GGN: variants seen among roughly 807,000 people sequenced by gnomAD.
GGN encodes gametogenetin.
Under a neutral mutation model 35.5 loss-of-function variants are expected in GGN, and 27 were observed. The ratio of observed to expected loss-of-function variants is 0.76; its 90% CI spans 0.56 to 1.05. The LOEUF is 1.05. GGN is among the 50% of genes least tolerant of loss of function. GGN has a pLI of 0.00. For missense variants in GGN, 1,006 were observed against 940.7 expected (o/e 1.07, Z -0.91); for synonymous variants, 425 against 444.1 (o/e 0.96, Z 0.54).
chr19:38,385,753 G>C lies in GGN; in HGVS notation c.1509C>G (p.Thr503=). Residue 503 remains threonine, a synonymous_variant, in exon 3 of 4, where the codon ACC becomes ACG. Transcript: ENST00000334928. The part of the protein sequence containing the change: ...APAPSPAPAP[T]VAEPSPPVSA... ...ACACAGGCGGCGAGGGCTCAGCCAC[G>C]GTGGGAGCTGGAGCCGGGGATGGGG... is the stretch of plus-strand genomic sequence containing the variant. The C allele has an allele frequency of 6.3e-7, 1 of 1,595,830 alleles. No homozygotes were observed. Among genetic ancestry groups the C allele is most frequent in the Non-Finnish European group, 8.5e-7 (1 of 1,173,334 alleles).
At position 38,386,017 on chromosome 19, in the gene GGN, C is replaced by T. The variant is rs765602716; in HGVS notation, c.1245G>A (p.Thr415=). The T allele has an allele frequency of 1.3e-5, 21 of 1,606,462 alleles. No individual in the cohort carries two copies. The highest frequency in any genetic ancestry group is 1.7e-5 in the Non-Finnish European group (20 of 1,176,680). ...RPAPALLAPP[T]FIFPAPTNGE... The stretch of plus-strand genomic sequence containing the variant: ...CATTGGTGGGTGCTGGGAAGATGAA[C>T]GTAGGCGGCGCCAGCAGGGCAGGTG... Residue 415 remains threonine (T), a synonymous_variant, in exon 3 of 4, where the codon ACG becomes ACA. Transcript: ENST00000334928.
intron 3 of GGN, among the ~76,000 whole-genome samples, 167 bp from the exon 4 acceptor site, chr19:38,384,696 T>G (rs890654876): frequency 2.0e-5 from 3 of 152,268 alleles, no homozygotes; most frequent in Non-Finnish European, 4.4e-5. Context: ...GAAAGGGAGC[T>G]GAGGGCTGGC....
rs765602716 is a variant in GGN, at chr19:38,386,017, C to G, written c.1245G>C (p.Thr415=). 1 of 1,606,462 alleles carries G rather than the reference C, an allele frequency of 6.2e-7. No individual in the cohort carries two copies. Among genetic ancestry groups the G allele is most frequent in the South Asian group, 1.1e-5 (1 of 90,114 alleles). ...RPAPALLAPP[T]FIFPAPTNGE... ...CATTGGTGGGTGCTGGGAAGATGAA[C>G]GTAGGCGGCGCCAGCAGGGCAGGTG... The change falls in exon 3 of 4, where the codon ACG becomes ACC. Residue 415 remains threonine (T), a synonymous_variant. Coordinates refer to ENST00000334928, the MANE Select transcript of GGN (RefSeq NM_152657.4).
Position 38,386,337 on chromosome 19 carries a change from C to G in GGN, c.925G>C (p.Ala309Pro). Residue 309 changes from alanine (A) to proline (P), a missense_variant, in exon 3 of 4, where the codon GCA (alanine) becomes CCA (proline). Coordinates refer to ENST00000334928, the MANE Select transcript of GGN (RefSeq NM_152657.4). ...CCATCACCTCCCTCGGCTTCCTGTG[C>G]CCCTCGAGAAACCTCTCCCAAGGGG... ...ARPLGEVSRG[A>P]QEAEGGDGDG... is the part of the protein sequence containing the mutation. 1.2e-6 allele frequency: 2 copies of G among 1,612,366 alleles called. No individual in the cohort carries two copies. Among genetic ancestry groups the G allele is most frequent in the Non-Finnish European group, 1.7e-6 (2 of 1,179,488 alleles).
In GGN at chr19:38,385,697, T is replaced by A. The variant is rs769946387; in HGVS notation, c.1565A>T (p.Lys522Met). Residue 522 changes from lysine to methionine, a missense_variant, in exon 3 of 4, where the codon AAG becomes ATG. By Grantham distance (95) the Lys-to-Met change is moderately conservative. Coordinates refer to ENST00000334928, the MANE Select transcript of GGN (RefSeq NM_152657.4). ...SAPAPAAAPI[K>M]TRTRRNKGSR... ...ACCCTTGTTCCTGCGCGTGCGGGTC[T>A]TGATGGGCGCAGCCGCGGGTGCGGG... 2.8e-5 allele frequency: 45 copies of A among 1,612,780 alleles called. No individual in the cohort carries two copies. The highest frequency in any genetic ancestry group is 1.6e-4 in the Middle Eastern group (1 of 6,084).
At position 38,387,480 on chromosome 19, in the gene GGN, G is replaced by T. The variant is rs1970754114; in HGVS notation, c.-19-200C>A. On this transcript the variant is annotated intron_variant, in intron 2 of 3. Coordinates refer to ENST00000334928, the MANE Select transcript of GGN (RefSeq NM_152657.4). The surrounding 1 kb of genome is among the most constrained non-coding windows in gnomAD (Gnocchi z 5.3). Reference sequence around the variant, plus strand: ...TGCCCATGTCCCCAACACAGCTGCTGTTAAGATACTTCACTACCAGCCCCA... The same window carrying T: ...TGCCCATGTCCCCAACACAGCTGCTTTTAAGATACTTCACTACCAGCCCCA... Among the ~76,000 whole-genome samples the T allele has an allele frequency of 6.6e-6, 1 of 152,106 alleles. No homozygotes were observed. Among genetic ancestry groups the T allele is most frequent in the Admixed American group, 6.5e-5 (1 of 15,282 alleles).
rs1439514290 is a variant in GGN at position 38,387,874 on chromosome 19, T to A, written c.-81-52A>T. ...GAACGGGGGTGCGGGTGAAGGCAAGTGGGCGAGACAACTAGGGCGGACCCC... is the reference window on the plus strand; with the variant it reads ...GAACGGGGGTGCGGGTGAAGGCAAGAGGGCGAGACAACTAGGGCGGACCCC... On this transcript the variant is annotated intron_variant, in intron 1 of 3. Transcript: ENST00000334928. The surrounding 1 kb of genome is among the most constrained non-coding windows in gnomAD (Gnocchi z 5.3). 1 of 154,394 alleles carries A rather than the reference T, an allele frequency of 6.5e-6. No homozygotes were observed. The highest frequency in any genetic ancestry group is 1.5e-5 in the Non-Finnish European group (1 of 68,304). 9.6% of individuals were successfully genotyped at this position (154,394 alleles called of 1,614,324 possible). A position where few individuals can be genotyped will look rare whatever the true frequency, so the allele number is the denominator to read the frequency against.
rs770092071 is a variant in GGN, at chr19:38,387,202, C to T, written c.60G>A (p.Ser20=). The T allele has an allele frequency of 3.1e-6, 5 of 1,594,678 alleles. No homozygotes were observed. Among genetic ancestry groups the T allele is most frequent in the Non-Finnish European group, 4.3e-6 (5 of 1,171,414 alleles). Residue 20 remains serine, a synonymous_variant, in exon 3 of 4, where the codon TCG becomes TCA. Transcript: ENST00000334928. The surrounding 1 kb of genome is among the most constrained non-coding windows in gnomAD (Gnocchi z 5.3). The part of the protein sequence containing the change: ...AGGGSRKVQP[S]DRAPDSRRTS... ...TCCGGCGGGAGTCGGGGGCGCGGTC[C>T]GAGGGCTGCACTTTTCGGGAGCCCC...
rs751385723 is a variant in GGN at position 38,385,466 on chromosome 19, T to C, written c.1796A>G (p.His599Arg). Residue 599 changes from histidine to arginine, a missense_variant, in exon 3 of 4, where the codon CAC (histidine) becomes CGC (arginine). Physicochemically the swap from His to Arg is conservative, Grantham distance 29 (BLOSUM62 0). Coordinates refer to ENST00000334928, the MANE Select transcript of GGN (RefSeq NM_152657.4). ...CAGGCGGCGATGGCGTGGCTGGTGGTGGCAGTAACACTTGCAGGGACAGGA... is the reference window on the plus strand; with the variant it reads ...CAGGCGGCGATGGCGTGGCTGGTGGCGGCAGTAACACTTGCAGGGACAGGA... The part of the protein sequence containing the change: ...LNSCPCKCYC[H>R]HQPRHRRLPR... 6.2e-7 allele frequency: 1 copy of C among 1,613,888 alleles called. No individual in the cohort carries two copies. The highest frequency in any genetic ancestry group is 8.5e-7 in the Non-Finnish European group (1 of 1,179,958).
rs1568390513 is a variant in GGN, at chr19:38,385,717, T to TGCGGGCGCGGAC, written c.1533_1544dup (p.Ser512_Ala515dup). 6.2e-7 allele frequency: 1 copy of TGCGGGCGCGGAC among 1,608,966 alleles called. No individual in the cohort carries two copies. The highest frequency in any genetic ancestry group is 8.5e-7 in the Non-Finnish European group (1 of 1,178,548). ...GGGTCTTGATGGGCGCAGCCGCGGG[T>TGCGGGCGCGGAC]GCGGGCGCGGACACAGGCGGCGAGG... On this transcript the variant is annotated inframe_insertion, in exon 3 of 4. Coordinates refer to ENST00000334928, the MANE Select transcript of GGN (RefSeq NM_152657.4).
Position 38,385,631 on chromosome 19 carries a change from T to G in GGN, c.1631A>C (p.His544Pro), listed in dbSNP as rs768513557. The G allele has an allele frequency of 1.2e-6, 2 of 1,613,974 alleles. No homozygotes were observed. The highest frequency in any genetic ancestry group is 1.7e-6 in the Non-Finnish European group (2 of 1,180,014). Residue 544 changes from histidine (H) to proline (P), a missense_variant, in exon 3 of 4, where the codon CAT becomes CCT. Physicochemically the swap from His to Pro is moderately conservative, Grantham distance 77. Coordinates refer to ENST00000334928, the MANE Select transcript of GGN (RefSeq NM_152657.4). ...ARGATRKDGL[H>P]GDGPRERATA... ...AGCTCGTTCGCGAGGACCATCTCCA[T>G]GCAAGCCATCCTTACGGGTCGCGCC...
Position 38,385,562 on chromosome 19 carries a change from C to G in GGN, c.1700G>C (p.Ser567Thr). ...PDSSGGGGGGSGASQTGAANT... is the reference protein window; with the variant it reads ...PDSSGGGGGGTGASQTGAANT... ...AGCTGCCCCAGTCTGAGAGGCCCCG[C>G]TGCCACCACCCCCTCCACCACTGCT... is the stretch of plus-strand genomic sequence containing the variant. Residue 567 changes from serine (S) to threonine (T), a missense_variant, in exon 3 of 4, where the codon AGC (serine) becomes ACC (threonine). Transcript: ENST00000334928. 1 of 1,614,054 alleles carries G rather than the reference C, an allele frequency of 6.2e-7. No homozygotes were observed. Among genetic ancestry groups the G allele is most frequent in the South Asian group, 1.1e-5 (1 of 91,084 alleles).
Position 38,386,944 on chromosome 19 carries a change from G to T in GGN, c.318C>A (p.Pro106=). ...CGGGCTTTTGCCATTTAGACGGGCC[G>T]GGCAGCAGAGTCCCCGCGGGGGCCG... ...PPPAPAGTLL[P]GPSKWQKPAG... The change falls in exon 3 of 4, where the codon CCC becomes CCA. Residue 106 remains proline, a synonymous_variant. Coordinates refer to ENST00000334928, the MANE Select transcript of GGN (RefSeq NM_152657.4). The T allele has an allele frequency of 6.5e-7, 1 of 1,544,778 alleles. No individual in the cohort carries two copies. The highest frequency in any genetic ancestry group is 8.7e-7 in the Non-Finnish European group (1 of 1,145,684).
rs1435448839 is a variant in GGN, at chr19:38,385,854, C to T, written c.1408G>A (p.Gly470Ser). The T allele has an allele frequency of 2.6e-6, 4 of 1,543,118 alleles. No individual in the cohort carries two copies. The highest frequency in any genetic ancestry group is 1.7e-6 in the Non-Finnish European group (2 of 1,147,976). The change falls in exon 3 of 4, where the codon GGC becomes AGC. Residue 470 changes from glycine (G) to serine (S), a missense_variant. Physicochemically the swap from Gly to Ser is moderately conservative, Grantham distance 56. Coordinates refer to ENST00000334928, the MANE Select transcript of GGN (RefSeq NM_152657.4). ...PVAPPLTPGL[G>S]HKESALAPTA... ...GGAGCCAGGGCTGACTCCTTGTGGC[C>T]CAGACCCGGGGTGAGCGGGGGAGCC...
Position 38,386,057 on chromosome 19 carries a change from C to T in GGN, c.1205G>A (p.Gly402Glu). 1.3e-6 allele frequency: 2 copies of T among 1,593,580 alleles called. No homozygotes were observed. Among genetic ancestry groups the T allele is most frequent in the South Asian group, 2.3e-5 (2 of 88,358 alleles). The part of the protein sequence containing the change: ...PPPEQIHSAP[G>E]PRRPAPALLA... The stretch of plus-strand genomic sequence containing the variant: ...CAGGGCAGGTGCGGGCCTCCGGGGC[C>T]CGGGAGCTGAGTGTATCTGCTCTGG... The change falls in exon 3 of 4, where the codon GGG (glycine) becomes GAG (glutamate). Residue 402 changes from glycine (G) to glutamate (E), a missense_variant. Transcript: ENST00000334928.
chr19:38,386,265 C>A lies in GGN; in HGVS notation c.997G>T (p.Ala333Ser). The change falls in exon 3 of 4, where the codon GCC (alanine) becomes TCC (serine). Residue 333 changes from alanine (A) to serine (S), a missense_variant. By Grantham distance (99) the Ala-to-Ser change is moderately conservative. Coordinates refer to ENST00000334928, the MANE Select transcript of GGN (RefSeq NM_152657.4). ...SGPPSAPASQ[A>S]RALPPPPYTT... ...TAGGGTGGCGGCGGTAGGGCCCGGG[C>A]TTGGGACGCAGGCGCCGAGGGAGGA... The A allele has an allele frequency of 6.2e-7, 1 of 1,610,450 alleles. No homozygotes were observed. The highest frequency in any genetic ancestry group is 8.5e-7 in the Non-Finnish European group (1 of 1,178,474).
chr19:38,384,553 C>G, intron 3 of GGN, 24 bp from the exon 4 acceptor site: 1 of 1,564,218 alleles, frequency 6.4e-7, no homozygotes, highest in Admixed American at 1.7e-5. Context: ...GTAGAGTCAG[C>G]AAAGCCCAGC....
chr19:38,385,802 G>A lies in GGN; in HGVS notation c.1460C>T (p.Ala487Val), dbSNP rs370891834. The A allele has an allele frequency of 1.9e-6, 3 of 1,543,916 alleles. No individual in the cohort carries two copies. Among genetic ancestry groups the A allele is most frequent in the South Asian group, 1.2e-5 (1 of 85,268 alleles). Reference sequence around the variant, plus strand: ...GGCCGGGGCCTGGTCGGCGGCTAAGGCTGGGGGCAGAGCAGGGGCTGCGGT... The same window carrying A: ...GGCCGGGGCCTGGTCGGCGGCTAAGACTGGGGGCAGAGCAGGGGCTGCGGT... ...APTAAPALPP[A>V]LAADQAPAPS... is the part of the protein sequence containing the mutation. The change falls in exon 3 of 4, where the codon GCC becomes GTC. Residue 487 changes from alanine to valine, a missense_variant. Transcript: ENST00000334928.
Position 38,385,637 on chromosome 19 carries a change from C to T in GGN, c.1625G>A (p.Gly542Asp), listed in dbSNP as rs1432559422. The T allele has an allele frequency of 6.2e-7, 1 of 1,613,992 alleles. No homozygotes were observed. Among genetic ancestry groups the T allele is most frequent in the African/African-American group, 1.3e-5 (1 of 74,944 alleles). ...TTCGCGAGGACCATCTCCATGCAAG[C>T]CATCCTTACGGGTCGCGCCCCGGGC... is the stretch of plus-strand genomic sequence containing the variant. The part of the protein sequence containing the change: ...RAARGATRKD[G>D]LHGDGPRERA... Residue 542 changes from glycine (G) to aspartate (D), a missense_variant, in exon 3 of 4, where the codon GGC becomes GAC. Physicochemically the swap from Gly to Asp is moderately conservative, Grantham distance 94. Coordinates refer to ENST00000334928, the MANE Select transcript of GGN (RefSeq NM_152657.4).
Sources: gnomAD v4.1 joint callset for allele counts (sites outside exome capture counted in the v4.1 genomes callset) on GRCh38, gnomAD v4.1.1 for gene constraint, Gnocchi (gnomAD v3.1) non-coding constraint, MANE v1.5 for transcripts, NCBI Gene and HGNC (gene_info 2026-07-23, HGNC 2026-07-21) for gene names.